ANKRD36C: variants seen among roughly 807,000 people sequenced by gnomAD.
The protein encoded by ANKRD36C is ankyrin repeat domain-containing protein 36C.
Under a neutral mutation model 276.4 loss-of-function variants are expected in ANKRD36C, and 61 were observed. The observed-to-expected ratio is 0.22, with a 90% CI of 0.18 to 0.27. The LOEUF is 0.27. Among genes scored for constraint, ANKRD36C ranks in the 10% least tolerant of loss-of-function variants. ANKRD36C has a pLI of 1.00. For synonymous variants in ANKRD36C, 483 were observed against 680.1 expected (o/e 0.71, Z 4.51); for missense variants, 1,447 against 2,032.3 (o/e 0.71, Z 5.54).
At chr2:95,991,815 G>C, upstream of ANKRD36C, 2 of 1,071,696 alleles carry the variant, frequency 1.9e-6, no homozygotes, top group South Asian at 1.6e-5. Context: ...ACGGACCTTC[G>C]CACAGACTCT....
intron 31 of ANKRD36C, 35 bp from the exon 32 acceptor site, chr2:95,923,602 A>C (rs1170678521): frequency 6.2e-7 from 1 of 1,608,646 alleles, no homozygotes; most frequent in Non-Finnish European, 8.5e-7. Context: ...TCAATAAAGA[A>C]AGTATGTTTC....
At chr2:95,902,827 G>A (rs1251995398) in intron 42 of ANKRD36C, 59 bp downstream of exon 54, 4 of 1,499,596 alleles carry the variant, frequency 2.7e-6, no homozygotes, top group Non-Finnish European at 1.8e-6. Flanking sequence ...TTTATTCACG[G>A]AAGAGAATTT....
At chr2:95,910,752 T>G (rs970722018) in intron 42 of ANKRD36C, among the ~76,000 whole-genome samples, 184 bp from the exon 45 acceptor site, 2 of 151,406 alleles carry the variant, frequency 1.3e-5, no homozygotes, top group African/African-American at 2.4e-5. Context: ...GAATACAGGC[T>G]CCATGAAATA....
chr2:95,882,214 C>T (rs1288173905), intron 56 of ANKRD36C, 88 bp downstream of exon 76: 1 of 1,459,842 alleles, frequency 6.9e-7, no homozygotes, highest in African/African-American at 1.4e-5. Context: ...AGTGCATTTT[C>T]AATGAGCCCC....
intron 6 of ANKRD36C, among the ~76,000 whole-genome samples, chr2:95,971,474 A>T (rs1258530222): frequency 1.3e-5 from 2 of 152,076 alleles, no homozygotes; most frequent in Non-Finnish European, 2.9e-5. Flanking sequence ...TGCTGAGAAT[A>T]TAAAACTGCT....
At chr2:95,912,834 C>A (rs553980359) in intron 40 of ANKRD36C, among the ~76,000 whole-genome samples, 11 of 151,516 alleles carry the variant, frequency 7.3e-5, no homozygotes, top group Admixed American at 6.6e-5. Context: ...AAAGGATTTA[C>A]ACCATTAGGC....
At chr2:95,903,230 A>G in intron 42 of ANKRD36C, 149 bp from the exon 53 acceptor site, 2 of 1,361,422 alleles carry the variant, frequency 1.5e-6, no homozygotes, top group Non-Finnish European at 2.0e-6. Flanking sequence ...GGACTAGAAC[A>G]TGACGGAAAT....
At chr2:95,895,740 T>C (rs1573748530) in intron 44 of ANKRD36C, 150 bp from the exon 61 acceptor site, 8 of 1,376,858 alleles carry the variant, frequency 5.8e-6, no homozygotes, top group Non-Finnish European at 7.9e-6. Context: ...GACCAGAAGG[T>C]GACAGAAATA....
chr2:95,990,763 T>TA (rs1679122302), intron 1 of ANKRD36C, among the ~76,000 whole-genome samples: 1 of 152,212 alleles, frequency 6.6e-6, no homozygotes, highest in Non-Finnish European at 1.5e-5. Context: ...TGTCCATTGA[T>TA]ATCAAATAAA....
chr2:95,924,047 C>T (rs1677344816), intron 30 of ANKRD36C, among the ~76,000 whole-genome samples: 1 of 151,646 alleles, frequency 6.6e-6, no homozygotes, highest in South Asian at 2.1e-4. Flanking sequence ...ACATGATCCT[C>T]CATGTCTTTC....
intron 58 of ANKRD36C, among the ~76,000 whole-genome samples, chr2:95,879,085 T>C (rs1174463294): frequency 6.6e-6 from 1 of 152,100 alleles, no homozygotes; most frequent in Non-Finnish European, 1.5e-5. Context: ...GAAAAATGGG[T>C]TCTAAAAATG....
chr2:95,883,945 T>C (rs943391472), intron 54 of ANKRD36C, among the ~76,000 whole-genome samples: 1 of 152,032 alleles, frequency 6.6e-6, no homozygotes, highest in African/African-American at 2.4e-5. Flanking sequence ...TGCTCTCCAA[T>C]GTTTCTTCTT....
chr2:95,947,603 A>C (rs1170683156), intron 17 of ANKRD36C, among the ~76,000 whole-genome samples: 1 of 152,120 alleles, frequency 6.6e-6, no homozygotes, highest in Non-Finnish European at 1.5e-5. Flanking sequence ...TGAGTGGATT[A>C]TTTTTTAATT....
chr2:95,927,888 C>T (rs75190633), intron 26 of ANKRD36C, among the ~76,000 whole-genome samples: 4 of 151,776 alleles, frequency 2.6e-5, no homozygotes, highest in Admixed American at 6.6e-5. Flanking sequence ...TAAATGTACA[C>T]TTCACGTCTC....
rs542126385 is a variant in ANKRD36C, at chr2:95,915,909, A to G, written c.2449+71T>C. 3.0e-5 allele frequency: 45 copies of G among 1,504,974 alleles called. No homozygotes were observed. In the African/African-American group the frequency reaches 4.0e-4, roughly 13 times the overall value. 93.2% of individuals were successfully genotyped at this position (1,504,974 alleles called of 1,614,324 possible). On this transcript the variant is annotated intron_variant, in intron 38 of 66. Transcript: ENST00000456556. ...AATGTGCAGCTTCGACCAGCCCCCCACTGATTTATTCGGGGAAGAGAACTT... is the reference window on the plus strand; with the variant it reads ...AATGTGCAGCTTCGACCAGCCCCCCGCTGATTTATTCGGGGAAGAGAACTT...
chr2:95,852,214 A>T lies in ANKRD36C; in HGVS notation c.5149-18T>A, dbSNP rs184318921. On this transcript the variant is annotated intron_variant, in intron 64 of 66. Transcript: ENST00000456556. ...TCTTGAAACTAAAACAAAGAATTTT[A>T]AAAAATTACATTTGGAAATGACCTA... 4.9e-3 allele frequency: 7,806 copies of T among 1,581,164 alleles called. 321 individuals are homozygous for T. In the African/African-American group the frequency reaches 0.091, roughly 19 times the overall value.
chr2:95,878,902 G>C (rs1216392731), intron 58 of ANKRD36C, among the ~76,000 whole-genome samples: 2 of 152,058 alleles, frequency 1.3e-5, no homozygotes, highest in Admixed American at 1.3e-4. Flanking sequence ...ACAGTATAGA[G>C]TCCTCAAAAA....
In ANKRD36C at chr2:95,927,205, C is replaced by T. The variant is rs1385420735; in HGVS notation, c.1939+9G>A. The T allele has an allele frequency of 6.2e-7, 1 of 1,609,462 alleles. No individual in the cohort carries two copies. Among genetic ancestry groups the T allele is most frequent in the African/African-American group, 1.3e-5 (1 of 74,640 alleles). On this transcript the variant is annotated intron_variant, in intron 28 of 66. Coordinates refer to ENST00000456556, the Ensembl canonical transcript of ANKRD36C. ...TGAACATGACATTAAATGTGTTTTGCAAAATTACCTGTCCCAGATTGTTGT... is the reference window on the plus strand; with the variant it reads ...TGAACATGACATTAAATGTGTTTTGTAAAATTACCTGTCCCAGATTGTTGT...
intron 6 of ANKRD36C, among the ~76,000 whole-genome samples, chr2:95,972,941 C>A (rs1325311291): frequency 6.6e-6 from 1 of 152,178 alleles, no homozygotes; most frequent in Non-Finnish European, 1.5e-5. Flanking sequence ...ACCAAGGTTT[C>A]TTTTATAATA....
Sources: gnomAD v4.1 joint callset for allele counts (sites outside exome capture counted in the v4.1 genomes callset) on GRCh38, gnomAD v4.1.1 for gene constraint, MANE v1.5 for transcripts, NCBI Gene and HGNC (gene_info 2026-07-23, HGNC 2026-07-21) for gene names.